C14orf39: variants seen among roughly 807,000 people sequenced by gnomAD.
C14orf39 encodes protein SIX6OS1.
C14orf39 carries 66 observed loss-of-function variants against 85.6 expected under a neutral mutation model. That is an observed-to-expected ratio of 0.77 (90% CI 0.63 to 0.95). The LOEUF is 0.95. Ranked by LOEUF, C14orf39 falls within the 40% of genes least tolerant of loss-of-function variation. The pLI is 0.00. For synonymous variants in C14orf39, 242 were observed against 214.0 expected (o/e 1.13, Z -1.14); for missense variants, 735 against 663.9 (o/e 1.11, Z -1.18).
chr14:60,509,321 C>A, intron 1 of C14orf39: 2 of 1,260,208 alleles, frequency 1.6e-6, no homozygotes, highest in Non-Finnish European at 2.3e-6. Context: ...GCGCCTGGCA[C>A]ACTCAGCCAG....
chr14:60,492,108 G>C (rs1892998321), intron 2 of C14orf39, among the ~76,000 whole-genome samples: 1 of 142,712 alleles, frequency 7.0e-6, no homozygotes, highest in Non-Finnish European at 1.5e-5. Flanking sequence ...ATTTCAGAAG[G>C]AAAGGCACAA....
chr14:60,507,233 C>T (rs1893215586), intron 1 of C14orf39, among the ~76,000 whole-genome samples: 1 of 152,158 alleles, frequency 6.6e-6, no homozygotes, highest in Non-Finnish European at 1.5e-5. Flanking sequence ...GGGTGCTTTC[C>T]TCCCCTGGCC....
intron 13 of C14orf39, among the ~76,000 whole-genome samples, chr14:60,460,582 T>A (rs1891474977): frequency 6.6e-6 from 1 of 151,944 alleles, no homozygotes; most frequent in South Asian, 2.1e-4. Flanking sequence ...TTGTTATGCA[T>A]TATTAGTTTA....
intron 13 of C14orf39, among the ~76,000 whole-genome samples, chr14:60,458,976 T>A (rs1165000793): frequency 2.6e-5 from 4 of 151,628 alleles, no homozygotes; most frequent in African/African-American, 9.7e-5. Context: ...AAATACAACA[T>A]CATGAGCACT....
chr14:60,439,081 T>C (rs1595435749), intron 17 of C14orf39, among the ~76,000 whole-genome samples: 1 of 152,296 alleles, frequency 6.6e-6, no homozygotes, highest in South Asian at 2.1e-4. Flanking sequence ...CACAAAGAAA[T>C]GATAAACGTC....
At chr14:60,460,544 T>C (rs1012692734) in intron 13 of C14orf39, among the ~76,000 whole-genome samples, 9 of 151,976 alleles carry the variant, frequency 5.9e-5, no homozygotes, top group African/African-American at 1.7e-4. Flanking sequence ...AAAAGAGATG[T>C]AGACTTTTAT....
At chr14:60,437,296 TAA>T (rs1207840249) in intron 17 of C14orf39, among the ~76,000 whole-genome samples, 1 of 151,846 alleles carries the variant, frequency 6.6e-6, no homozygotes, top group Non-Finnish European at 1.5e-5. Flanking sequence ...AGAACTAGTA[TAA>T]AAAGTAAAAA....
Position 60,466,901 on chromosome 14 carries a change from C to G in C14orf39, c.895+16G>C, listed in dbSNP as rs751674570. 2 of 1,456,170 alleles carry G rather than the reference C, an allele frequency of 1.4e-6. No homozygotes were observed. The highest frequency in any genetic ancestry group is 3.0e-5 in the African/African-American group (2 of 67,494). 90.2% of individuals were successfully genotyped at this position (1,456,170 alleles called of 1,614,324 possible). ...CAAAAAAAATGATGTTTTTGAATAA[C>G]AAACAGATATTATACCTGCAACTCT... On this transcript the variant is annotated intron_variant, in intron 10 of 17. Transcript: ENST00000321731.
chr14:60,448,816 A>AG (rs1378623494), intron 16 of C14orf39, among the ~76,000 whole-genome samples: 1 of 152,254 alleles, frequency 6.6e-6, no homozygotes, highest in African/African-American at 2.4e-5. Flanking sequence ...GAATGGATTA[A>AG]GAAAATGTGG....
chr14:60,483,899 C>T, intron 3 of C14orf39, 82 bp from the exon 4 acceptor site: 1 of 915,656 alleles, frequency 1.1e-6, no homozygotes, highest in Non-Finnish European at 1.6e-6. Context: ...ATGGGTATGG[C>T]AGCTTACCTA....
chr14:60,492,964 G>A (rs1893013342), intron 2 of C14orf39, among the ~76,000 whole-genome samples: 1 of 151,970 alleles, frequency 6.6e-6, no homozygotes, highest in Non-Finnish European at 1.5e-5. Flanking sequence ...TAGAAAACAT[G>A]CCTTTCCATG....
intron 16 of C14orf39, among the ~76,000 whole-genome samples, chr14:60,447,715 A>G (rs563187737): frequency 6.6e-6 from 1 of 152,220 alleles, no homozygotes; most frequent in Non-Finnish European, 1.5e-5. Flanking sequence ...TATGGAACCC[A>G]AAAAAAGCCC....
intron 11 of C14orf39, 92 bp downstream of exon 11, chr14:60,465,887 C>G (rs924747284): frequency 3.5e-6 from 1 of 282,774 alleles, no homozygotes; most frequent in South Asian, 4.2e-5. Context: ...CACACACACA[C>G]ACACACGTCT....
Position 60,442,132 on chromosome 14 carries a change from C to T in C14orf39, c.1504-1G>A. 6.3e-7 allele frequency: 1 copy of T among 1,585,240 alleles called. No homozygotes were observed. Among genetic ancestry groups the T allele is most frequent in the Middle Eastern group, 1.7e-4 (1 of 5,984 alleles). On this transcript the variant is annotated splice_acceptor_variant, in intron 16 of 17. Transcript: ENST00000321731. LOFTEE classifies it high-confidence loss of function. Reference sequence around the variant, plus strand: ...TTCTTGCAGAATAATGTTCATTAAACTGGAAAATAATTTCCATTAAATATT... The same window carrying T: ...TTCTTGCAGAATAATGTTCATTAAATTGGAAAATAATTTCCATTAAATATT...
chr14:60,514,462 T>C (rs746613607), intron 1 of C14orf39, among the ~76,000 whole-genome samples: 4 of 151,988 alleles, frequency 2.6e-5, no homozygotes, highest in Non-Finnish European at 4.4e-5. Flanking sequence ...TTCCGGCTTA[T>C]AAACATTTCA....
At chr14:60,449,356 T>C (rs1239903570) in intron 16 of C14orf39, among the ~76,000 whole-genome samples, 2 of 152,186 alleles carry the variant, frequency 1.3e-5, no homozygotes, top group African/African-American at 4.8e-5. Context: ...TTAATGCATC[T>C]GTAACTTCTA....
chr14:60,496,912 G>A (rs1358742773), intron 2 of C14orf39: 2 of 152,254 alleles, frequency 1.3e-5, no homozygotes, highest in Admixed American at 6.5e-5. Context: ...GCTGGGGGGA[G>A]CTGCAGTTAT....
At chr14:60,468,332 C>A in intron 9 of C14orf39, 113 bp downstream of exon 9, 1 of 516,048 alleles carries the variant, frequency 1.9e-6, no homozygotes, top group Admixed American at 4.1e-5. Flanking sequence ...GCCTGCACAA[C>A]AAAATTTACA....
chr14:60,495,532 A>G (rs1893058142), intron 2 of C14orf39: 2 of 212,840 alleles, frequency 9.4e-6, no homozygotes, highest in African/African-American at 4.6e-5. Context: ...CAATTCATCT[A>G]TGGGGACAGG....
Sources: allele counts gnomAD v4.1 joint callset (sites outside exome capture counted in the v4.1 genomes callset), GRCh38; gene constraint gnomAD v4.1.1; transcripts MANE v1.5; gene names NCBI Gene and HGNC (gene_info 2026-07-23, HGNC 2026-07-21).